RPL23A: variants seen among roughly 807,000 people sequenced by gnomAD.
RPL23A encodes large ribosomal subunit protein uL23.
Under a neutral mutation model 17.6 loss-of-function variants are expected in RPL23A, and 2 were observed. That is an observed-to-expected ratio of 0.11 (90% CI 0.05 to 0.36). RPL23A has a LOEUF of 0.36. RPL23A is among the 10% of genes least tolerant of loss of function. RPL23A has a pLI of 1.00. For missense variants in RPL23A, 132 were observed against 194.4 expected (o/e 0.68, Z 1.91); for synonymous variants, 65 against 74.3 (o/e 0.87, Z 0.65).
At chr17:28,720,339 A>C (rs1262210992) in intron 1 of RPL23A, 11 of 1,551,518 alleles carry the variant, frequency 7.1e-6, no homozygotes, top group Non-Finnish European at 9.6e-6. Context: ...GTAAGGAATT[A>C]GTGCCCTCAG....
chr17:28,720,979 A>C, intron 2 of RPL23A, 89 bp downstream of exon 2: 3 of 1,158,528 alleles, frequency 2.6e-6, no homozygotes, highest in Non-Finnish European at 2.5e-6. Context: ...ATGGTTTCTC[A>C]AACGCAAATT....
At position 28,720,696 on chromosome 17, in the gene RPL23A, T is replaced by A. The variant is rs777225080; in HGVS notation, c.26-11T>A. The A allele has an allele frequency of 9.3e-6, 15 of 1,613,994 alleles. No individual in the cohort carries two copies. The South Asian group carries it at 1.6e-4, about 18-fold the overall frequency. On this transcript the variant is annotated splice_polypyrimidine_tract_variant and intron_variant, in intron 1 of 4. Transcript: ENST00000422514. ...AATCCCGCACCCACGTTTTCTTTCC[T>A]TTTCTCCCAGCTCCTGCCCCTCCTA... is the stretch of plus-strand genomic sequence containing the variant.
intron 3 of RPL23A, chr17:28,723,200 G>T (rs536487122): frequency 4.5e-4 from 239 of 533,200 alleles, no homozygotes; most frequent in Non-Finnish European, 3.0e-4. Context: ...TTAGCAGTGT[G>T]TGTGAGCCTT....
At chr17:28,720,961 T>A (rs1165158534) in intron 2 of RPL23A, 71 bp downstream of exon 2, 8 of 1,340,684 alleles carry the variant, frequency 6.0e-6, no homozygotes, top group Non-Finnish European at 8.4e-6. Context: ...ATTCACTCAC[T>A]CTGCGTGATG....
At chr17:28,720,526 T>C (rs1164084564) in intron 1 of RPL23A, 181 bp from the exon 2 acceptor site, 5 of 1,497,932 alleles carry the variant, frequency 3.3e-6, no homozygotes, top group Non-Finnish European at 4.7e-6. Flanking sequence ...TTACTTAGAG[T>C]TGGTCGCTTT....
Position 28,723,695 on chromosome 17 carries a change from C to T in RPL23A, c.456+55C>T, listed in dbSNP as rs548813218. ...GCTCACCCCTTGGGTGCAAATGATG[C>T]ATATGTTAGCGACCAAAGCCTGATC... On this transcript the variant is annotated intron_variant, in intron 4 of 4. Transcript: ENST00000422514. 2.6e-6 allele frequency: 4 copies of T among 1,519,210 alleles called. No individual in the cohort carries two copies. The East Asian group carries it at 9.0e-5, about 34-fold the overall frequency. The allele number at this position is 1,519,210 out of a possible 1,614,324, so 94.1% of individuals were successfully genotyped here.
chr17:28,720,233 G>T (rs539944052), intron 1 of RPL23A: 23 of 1,539,206 alleles, frequency 1.5e-5, no homozygotes, highest in Middle Eastern at 2.0e-4. Flanking sequence ...GTTGGGGGGG[G>T]GCAACGCGGC....
chr17:28,722,890 C>T lies in RPL23A; in HGVS notation c.377C>T (p.Thr126Ile), dbSNP rs150744145. ...LYDIDVAKVNTLIRPDGEKKA... is the reference protein window; with the variant it reads ...LYDIDVAKVNILIRPDGEKKA... ...GACATTGATGTGGCCAAGGTCAACA[C>T]CCTGATTCGGTGAGTTGGGCCTCAA... Residue 126 changes from threonine (T) to isoleucine (I), a missense_variant, in exon 3 of 5, where the codon ACC (threonine) becomes ATC (isoleucine). By Grantham distance (89) the Thr-to-Ile change is moderately conservative. Transcript: ENST00000422514. 3 of 1,613,726 alleles carry T rather than the reference C, an allele frequency of 1.9e-6. No homozygotes were observed. Among genetic ancestry groups the T allele is most frequent in the Non-Finnish European group, 2.5e-6 (3 of 1,179,718 alleles).
intron 2 of RPL23A, chr17:28,721,201 A>G: frequency 3.9e-6 from 1 of 257,254 alleles, no homozygotes; most frequent in Non-Finnish European, 7.7e-6. Context: ...AAAAATAGAA[A>G]ATTCGCCGGG....
intron 1 of RPL23A, chr17:28,720,491 T>TTG (rs1386074165): frequency 6.3e-7 from 1 of 1,580,710 alleles, no homozygotes; most frequent in East Asian, 2.2e-5. Context: ...CAGTGCTACT[T>TTG]TGTTTCATAG....
chr17:28,723,829 T>C (rs776351574), intron 4 of RPL23A, 38 bp from the exon 5 acceptor site: 1 of 1,592,226 alleles, frequency 6.3e-7, no homozygotes, highest in Non-Finnish European at 8.6e-7. Flanking sequence ...AATCTTCATA[T>C]TTCAACTCCA....
chr17:28,722,375 C>T (rs1162149019), intron 2 of RPL23A: 2 of 374,014 alleles, frequency 5.3e-6, no homozygotes, highest in African/African-American at 4.2e-5. Context: ...GAGGGAGTTT[C>T]ACCATGTTGG....
At position 28,720,231 on chromosome 17, in the gene RPL23A, G is replaced by C. The variant is rs147254826; in HGVS notation, c.25+201G>C. The C allele has an allele frequency of 8.4e-4, 1,286 of 1,539,122 alleles. 2 individuals carry two copies. The highest frequency in any genetic ancestry group is 6.4e-3 in the African/African-American group (469 of 72,930). ...GAGTTCCGGTAGAGGGAGTTGGGGGGGGGCAACGCGGCAGGCATCATCCGC... is the reference window on the plus strand; with the variant it reads ...GAGTTCCGGTAGAGGGAGTTGGGGGCGGGCAACGCGGCAGGCATCATCCGC... On this transcript the variant is annotated intron_variant, in intron 1 of 4. Transcript: ENST00000422514.
rs549034665 is a variant in RPL23A, at chr17:28,720,799, A to G, written c.118A>G (p.Ile40Val). The part of the protein sequence containing the change: ...KGVHSHKKKK[I>V]RTSPTFRRPK... ...TGTCCACAGCCACAAAAAGAAGAAG[A>G]TCCGCACGTCACCCACCTTCCGGCG... is the stretch of plus-strand genomic sequence containing the variant. The change falls in exon 2 of 5, where the codon ATC becomes GTC. Residue 40 changes from isoleucine to valine, a missense_variant. Ile to Val is a conservative substitution (Grantham distance 29). Coordinates refer to ENST00000422514, the MANE Select transcript of RPL23A (RefSeq NM_000984.6). The G allele has an allele frequency of 1.2e-5, 19 of 1,613,474 alleles. No individual in the cohort carries two copies. The East Asian group carries it at 4.0e-4, about 34-fold the overall frequency.
In RPL23A at chr17:28,723,456, GA is replaced by G. The variant is rs1210615249; in HGVS notation, c.387-111del. ...GCTAATGATGGAAAAATCATTATTG[GA>G]AAAGAATGACATGAACAAAGGAACC... On this transcript the variant is annotated intron_variant, in intron 3 of 4. Transcript: ENST00000422514. The G allele has an allele frequency of 3.6e-6, 3 of 829,672 alleles. No individual in the cohort carries two copies. In the South Asian group the frequency reaches 4.0e-5, roughly 11 times the overall value. The allele number at this position is 829,672 out of a possible 1,614,324, so 51.4% of individuals were successfully genotyped here.
Sources: allele counts gnomAD v4.1 joint callset, GRCh38; gene constraint gnomAD v4.1.1; transcripts MANE v1.5; gene names NCBI Gene and HGNC (gene_info 2026-07-23, HGNC 2026-07-21).